Variants in CHN1 observed in about 807,000 individuals in gnomAD.
The protein encoded by CHN1 is chimerin 1.
In CHN1, 37 loss-of-function variants were observed where a neutral mutation model predicts 59.5. The ratio of observed to expected loss-of-function variants is 0.62; its 90% CI spans 0.48 to 0.82. The LOEUF (loss-of-function observed/expected upper bound fraction) is 0.82, where lower values mean the gene tolerates loss of function less well. Among genes scored for constraint, CHN1 ranks in the 40% least tolerant of loss-of-function variants. The pLI is 0.00. For missense variants in CHN1, 469 were observed against 571.0 expected (o/e 0.82, Z 1.82); for synonymous variants, 206 against 200.4 (o/e 1.03, Z -0.24).
At chr2:174,983,340 G>A (rs1691222880) in intron 1 of CHN1, among the ~76,000 whole-genome samples, 1 of 152,114 alleles carries the variant, frequency 6.6e-6, no homozygotes, top group South Asian at 2.1e-4. Flanking sequence ...CAGTTCCACT[G>A]TTCTTAGGTT....
At chr2:174,945,909 C>CTGTGTG (rs10691439) in intron 2 of CHN1, among the ~76,000 whole-genome samples, 2 of 149,902 alleles carry the variant, frequency 1.3e-5, no homozygotes, top group African/African-American at 4.9e-5. Context: ...CATAATTAGC[C>CTGTGTG]TGTGTGTGTG....
intron 1 of CHN1, among the ~76,000 whole-genome samples, chr2:174,983,829 A>AAAATAAAT (rs112080160): frequency 9.9e-5 from 15 of 151,928 alleles, no homozygotes; most frequent in African/African-American, 3.6e-4. Flanking sequence ...CTCCGTCTTA[A>AAAATAAAT]AAATAAATAA....
chr2:174,931,590 C>G (rs1024665773), intron 3 of CHN1, among the ~76,000 whole-genome samples: 1 of 152,178 alleles, frequency 6.6e-6, no homozygotes, highest in African/African-American at 2.4e-5. Flanking sequence ...AAATTGCTAC[C>G]TGCATAGAGC....
At chr2:174,918,422 C>T (rs1688912464) in intron 4 of CHN1, 112 bp downstream of exon 4, 2 of 705,614 alleles carry the variant, frequency 2.8e-6, no homozygotes, top group Non-Finnish European at 4.3e-6. Context: ...GAAATAAATG[C>T]AACTCCACCA....
intron 5 of CHN1, among the ~76,000 whole-genome samples, chr2:174,899,932 A>G (rs1054265487): frequency 3.9e-5 from 6 of 152,196 alleles, no homozygotes; most frequent in Admixed American, 2.0e-4. Flanking sequence ...GGGAAATAAC[A>G]AACTGTCAGT....
chr2:174,983,442 C>T (rs1006810103), intron 1 of CHN1, among the ~76,000 whole-genome samples: 1 of 151,822 alleles, frequency 6.6e-6, no homozygotes, highest in African/African-American at 2.4e-5. Flanking sequence ...CCAGGGAGGT[C>T]CCACATACAT....
chr2:174,940,244 G>C (rs527349378), intron 3 of CHN1, among the ~76,000 whole-genome samples: 6 of 152,182 alleles, frequency 3.9e-5, no homozygotes, highest in Admixed American at 1.3e-4. Context: ...GGCCAGGCTA[G>C]TCTTGATCTC....
intron 2 of CHN1, among the ~76,000 whole-genome samples, chr2:174,946,400 G>T (rs2105406184): frequency 6.6e-6 from 1 of 152,150 alleles, no homozygotes; most frequent in East Asian, 1.9e-4. Flanking sequence ...AGAAAATACA[G>T]CTTTATTGTT....
At chr2:174,999,137 C>T (rs1462479035) in intron 1 of CHN1, among the ~76,000 whole-genome samples, 1 of 151,498 alleles carries the variant, frequency 6.6e-6, no homozygotes, top group Non-Finnish European at 1.5e-5. Context: ...TTGTCCTATC[C>T]TATTTTTAAG....
chr2:174,945,024 T>C, intron 2 of CHN1, 81 bp from the exon 3 acceptor site: 1 of 1,023,364 alleles, frequency 9.8e-7, no homozygotes, highest in Admixed American at 2.3e-5. Context: ...ACCTGGCTGC[T>C]TTTTATGTTC....
At chr2:174,872,417 C>T (rs559438592) in intron 6 of CHN1, among the ~76,000 whole-genome samples, 2 of 152,224 alleles carry the variant, frequency 1.3e-5, no homozygotes, top group East Asian at 3.9e-4. Context: ...TCTTAATGGG[C>T]TCAAGATGGA....
chr2:174,964,360 C>T (rs2105430171), intron 1 of CHN1, among the ~76,000 whole-genome samples: 1 of 152,254 alleles, frequency 6.6e-6, no homozygotes, highest in East Asian at 1.9e-4. Context: ...AGGAGAAAGG[C>T]CTCTCTATTA....
chr2:174,942,109 A>G (rs1689684580), intron 3 of CHN1, among the ~76,000 whole-genome samples: 1 of 152,214 alleles, frequency 6.6e-6, no homozygotes, highest in Non-Finnish European at 1.5e-5. Context: ...AGGTTCCACT[A>G]AAAAACTAAA....
At chr2:174,821,738 A>G in intron 8 of CHN1, 2 of 463,202 alleles carry the variant, frequency 4.3e-6, no homozygotes, top group African/African-American at 2.0e-5. Context: ...CCAGACACTG[A>G]ACCTGCTGCC....
At chr2:174,939,221 T>C (rs998659753) in intron 3 of CHN1, among the ~76,000 whole-genome samples, 2 of 152,238 alleles carry the variant, frequency 1.3e-5, no homozygotes, top group Non-Finnish European at 2.9e-5. Flanking sequence ...CTTGTGTCTT[T>C]GCATCAAGGT....
chr2:174,989,701 G>C (rs965299783), intron 1 of CHN1, among the ~76,000 whole-genome samples: 3 of 151,552 alleles, frequency 2.0e-5, no homozygotes, highest in African/African-American at 7.3e-5. Flanking sequence ...GAGGTGGGAG[G>C]ATCGCCTGAG....
chr2:174,902,362 A>ATAAACTGGAATTATTAT (rs922168424), intron 5 of CHN1, among the ~76,000 whole-genome samples: 3 of 152,146 alleles, frequency 2.0e-5, no homozygotes, highest in African/African-American at 7.2e-5. Context: ...GGTACCTCAC[A>ATAAACTGGAATTATTAT]TAAACTGGAA....
At chr2:174,880,442 CA>C (rs1687698396) in intron 5 of CHN1, among the ~76,000 whole-genome samples, 1 of 152,112 alleles carries the variant, frequency 6.6e-6, no homozygotes, top group African/African-American at 2.4e-5. Flanking sequence ...ATCTGAAAGG[CA>C]TATTGTGCTT....
At chr2:174,802,470 A>C (rs1284870669) in intron 11 of CHN1, among the ~76,000 whole-genome samples, 1 of 152,264 alleles carries the variant, frequency 6.6e-6, no homozygotes, top group Non-Finnish European at 1.5e-5. Context: ...GCAGACTTTG[A>C]AGGCACTTCC....
Sources: gnomAD v4.1 joint callset for allele counts (sites outside exome capture counted in the v4.1 genomes callset) on GRCh38, gnomAD v4.1.1 for gene constraint, MANE v1.5 for transcripts, NCBI Gene and HGNC (gene_info 2026-07-23, HGNC 2026-07-21) for gene names.